The following SLC35G1 variants were observed in gnomAD, a reference collection of about 807,000 sequenced individuals.
SLC35G1 encodes solute carrier family 35 member G1, also known as partner of STIM1.
In SLC35G1, 10 loss-of-function variants were observed where a neutral mutation model predicts 17.1. The observed-to-expected ratio is 0.59, with a 90% CI of 0.36 to 0.99. SLC35G1 has a LOEUF of 0.99. Among genes scored for constraint, SLC35G1 ranks in the 50% least tolerant of loss-of-function variants. SLC35G1 has a pLI of 0.01. For synonymous variants in SLC35G1, 185 were observed against 181.1 expected (o/e 1.02, Z -0.18); for missense variants, 433 against 468.4 (o/e 0.92, Z 0.70).
chr10:93,900,639 A>T, intron 2 of SLC35G1, 113 bp from the exon 3 acceptor site: 1,020 of 442,290 alleles, frequency 2.3e-3, no homozygotes, highest in Non-Finnish European at 3.6e-3. Flanking sequence ...TTAATTTACT[A>T]TTCCCTCATT....
chr10:93,894,229 A>ATCGGGCTCTGGTCTCGC lies in SLC35G1; in HGVS notation c.178+24_178+40dup, dbSNP rs1290402283. The ATCGGGCTCTGGTCTCGC allele has an allele frequency of 7.4e-7, 1 of 1,353,422 alleles. No homozygotes were observed. The highest frequency in any genetic ancestry group is 9.5e-7 in the Non-Finnish European group (1 of 1,054,690). 83.8% of individuals were successfully genotyped at this position (1,353,422 alleles called of 1,614,324 possible). The stretch of plus-strand genomic sequence containing the variant: ...CGAGCCGGGTGAGTGCGCGGTGTGG[A>ATCGGGCTCTGGTCTCGC]TCGGGCTCTGGTCTCGCTCGGGGGT... On this transcript the variant is annotated intron_variant, in intron 1 of 2. Transcript: ENST00000427197.
At position 93,901,091 on chromosome 10, in the gene SLC35G1, A is replaced by T. The variant is rs1458439952; in HGVS notation, c.699A>T (p.Val233=). 1.9e-6 allele frequency: 3 copies of T among 1,614,000 alleles called. No individual in the cohort carries two copies. Among genetic ancestry groups the T allele is most frequent in the Non-Finnish European group, 2.5e-6 (3 of 1,179,992 alleles). Residue 233 remains valine (V), a synonymous_variant, in exon 3 of 3, where the codon GTA becomes GTT. Coordinates refer to ENST00000427197, the MANE Select transcript of SLC35G1 (RefSeq NM_001134658.3). ...KGTFAAIGSA[V]FAASTLVILR... ...CATTCGCAGCAATTGGAAGTGCCGT[A>T]TTTGCTGCATCGACTCTAGTTATCC...
chr10:93,904,854 T>TC (rs1324300634), downstream of SLC35G1, among the ~76,000 whole-genome samples: 1 of 152,192 alleles, frequency 6.6e-6, no homozygotes, highest in Non-Finnish European at 1.5e-5. Flanking sequence ...GTATTCACTC[T>TC]CCTCTTCAAA....
chr10:93,903,892 T>C (rs2134072642), downstream of SLC35G1: 1 of 152,350 alleles, frequency 6.6e-6, no homozygotes. Flanking sequence ...CTTCAAAATA[T>C]ATTTTCTGTA....
chr10:93,901,368 T>C lies in SLC35G1; in HGVS notation c.976T>C (p.Phe326Leu). The C allele has an allele frequency of 6.2e-7, 1 of 1,614,110 alleles. No individual in the cohort carries two copies. Among genetic ancestry groups the C allele is most frequent in the Non-Finnish European group, 8.5e-7 (1 of 1,179,964 alleles). ...GAAGACAATGGATGTGGTCTTTGCTTTTATCTTTCAGATTATTTTCTTTAA... is the reference window on the plus strand; with the variant it reads ...GAAGACAATGGATGTGGTCTTTGCTCTTATCTTTCAGATTATTTTCTTTAA... The part of the protein sequence containing the change: ...IMKTMDVVFA[F>L]IFQIIFFNNV... Residue 326 changes from phenylalanine (F) to leucine (L), a missense_variant, in exon 3 of 3, where the codon TTT (phenylalanine) becomes CTT (leucine). Coordinates refer to ENST00000427197, the MANE Select transcript of SLC35G1 (RefSeq NM_001134658.3).
chr10:93,906,763 T>C (rs902913391), downstream of SLC35G1, among the ~76,000 whole-genome samples: 3 of 152,212 alleles, frequency 2.0e-5, no homozygotes, highest in Non-Finnish European at 4.4e-5. Context: ...CTAAACCAAC[T>C]GTTTTCAAAG....
chr10:93,899,375 C>T (rs148381502), intron 2 of SLC35G1, among the ~76,000 whole-genome samples: 6 of 152,124 alleles, frequency 3.9e-5, no homozygotes, highest in African/African-American at 9.6e-5. Context: ...GTCTCTATTC[C>T]GCCCTCTCTG....
intron 2 of SLC35G1, among the ~76,000 whole-genome samples, chr10:93,900,008 A>G (rs1184477071): frequency 6.6e-6 from 1 of 152,188 alleles, no homozygotes; most frequent in African/African-American, 2.4e-5. Context: ...ATGATAATCT[A>G]ATGAAGTCTA....
rs561702085 is a variant in SLC35G1 at position 93,902,661 on chromosome 10, G to A, written c.*1171G>A. On this transcript the variant is annotated 3_prime_UTR_variant, in exon 3 of 3. Transcript: ENST00000427197. ...TAATGCTTTATGTTATACATTAAATGTAAAGACTTGTGAATCCATGTTTGA... is the reference window on the plus strand; with the variant it reads ...TAATGCTTTATGTTATACATTAAATATAAAGACTTGTGAATCCATGTTTGA... 3.9e-5 allele frequency: 6 copies of A among 152,674 alleles called. No individual in the cohort carries two copies. The East Asian group carries it at 1.2e-3, about 29-fold the overall frequency. 9.5% of individuals were successfully genotyped at this position (152,674 alleles called of 1,614,324 possible). A position where few individuals can be genotyped will look rare whatever the true frequency, so the allele number is the denominator to read the frequency against.
intron 1 of SLC35G1, among the ~76,000 whole-genome samples, chr10:93,896,047 T>C (rs1400007081): frequency 2.6e-5 from 4 of 151,832 alleles, no homozygotes; most frequent in African/African-American, 7.3e-5. Context: ...CTGTGGTGCA[T>C]TGGCGTGATC....
downstream of SLC35G1, among the ~76,000 whole-genome samples, chr10:93,905,876 C>T (rs1421112721): frequency 6.6e-6 from 1 of 152,100 alleles, no homozygotes; most frequent in Non-Finnish European, 1.5e-5. Flanking sequence ...TAGACTTGGG[C>T]AGGAGGAAAT....
chr10:93,898,740 A>G lies in SLC35G1; in HGVS notation c.348A>G (p.Leu116=). 6.3e-7 allele frequency: 1 copy of G among 1,599,626 alleles called. No individual in the cohort carries two copies. Among genetic ancestry groups the G allele is most frequent in the Non-Finnish European group, 8.5e-7 (1 of 1,176,102 alleles). Residue 116 remains leucine, a synonymous_variant, in exon 2 of 3, where the codon TTA becomes TTG. Coordinates refer to ENST00000427197, the MANE Select transcript of SLC35G1 (RefSeq NM_001134658.3). Reference sequence around the variant, plus strand: ...AAATGCTAGTTGTTATCCCTTGCTTAATATACAGAAAGTAAGTATTTTTTA... The same window carrying G: ...AAATGCTAGTTGTTATCCCTTGCTTGATATACAGAAAGTAAGTATTTTTTA... ...VFQMLVVIPC[L]IYRKTGFIGP...
chr10:93,906,635 G>A (rs1161037648), downstream of SLC35G1, among the ~76,000 whole-genome samples: 1 of 151,962 alleles, frequency 6.6e-6, no homozygotes, highest in African/African-American at 2.4e-5. Context: ...CACCTCAAAA[G>A]AACAAAAATC....
rs552195406 is a variant in SLC35G1, at chr10:93,900,814, C to T, written c.422C>T (p.Ser141Phe). ...CTCATTCTCAGAGGAGTCCTTGGTTCTACCGCCATGATGCTTATATACTAT... is the reference window on the plus strand; with the variant it reads ...CTCATTCTCAGAGGAGTCCTTGGTTTTACCGCCATGATGCTTATATACTAT... Reference protein sequence around the residue: ...IFLILRGVLGSTAMMLIYYAY... With the variant: ...IFLILRGVLGFTAMMLIYYAY... Residue 141 changes from serine to phenylalanine, a missense_variant, in exon 3 of 3, where the codon TCT becomes TTT. Physicochemically the swap from Ser to Phe is radical, Grantham distance 155 (BLOSUM62 -2). Coordinates refer to ENST00000427197, the MANE Select transcript of SLC35G1 (RefSeq NM_001134658.3). 1 of 1,613,996 alleles carries T rather than the reference C, an allele frequency of 6.2e-7. No homozygotes were observed. Among genetic ancestry groups the T allele is most frequent in the South Asian group, 1.1e-5 (1 of 91,064 alleles).
At chr10:93,906,555 T>C (rs1458749092), downstream of SLC35G1, among the ~76,000 whole-genome samples, 1 of 151,934 alleles carries the variant, frequency 6.6e-6, no homozygotes, top group Non-Finnish European at 1.5e-5. Flanking sequence ...AAAAAAAAAA[T>C]ATAAACGATA....
At chr10:93,898,846 A>T in intron 2 of SLC35G1, 95 bp downstream of exon 2, 2 of 1,241,476 alleles carry the variant, frequency 1.6e-6, no homozygotes, top group Non-Finnish European at 2.2e-6. Flanking sequence ...TATCCATCTC[A>T]TATACTTACC....
Position 93,894,155 on chromosome 10 carries a change from AC to A in SLC35G1, c.124del (p.Arg42AlafsTer57). On this transcript the variant is annotated frameshift_variant, in exon 1 of 3. Transcript: ENST00000427197. LOFTEE classifies it high-confidence loss of function. ...PAAAEAAGAP[D>X]RGRCWLCLSS... ...GCCGCCGAGGCAGCTGGGGCGCCAG[AC>A]CGCGGTAGGTGCTGGCTCTGCCTTT... 1 of 1,481,660 alleles carries A rather than the reference AC, an allele frequency of 6.7e-7. No individual in the cohort carries two copies. The highest frequency in any genetic ancestry group is 8.9e-7 in the Non-Finnish European group (1 of 1,123,568). The allele number at this position is 1,481,660 out of a possible 1,614,324, so 91.8% of individuals were successfully genotyped here.
rs964962224 is a variant in SLC35G1 at position 93,901,350 on chromosome 10, A to G, written c.958A>G (p.Met320Val). The change falls in exon 3 of 3, where the codon ATG becomes GTG. Residue 320 changes from methionine (M) to valine (V), a missense_variant. Transcript: ENST00000427197. The part of the protein sequence containing the change: ...KAGPVAIMKT[M>V]DVVFAFIFQI... ...AGGGCCAGTAGCAATAATGAAGACA[A>G]TGGATGTGGTCTTTGCTTTTATCTT... is the stretch of plus-strand genomic sequence containing the variant. The G allele has an allele frequency of 5.0e-6, 8 of 1,613,966 alleles. No homozygotes were observed. The highest frequency in any genetic ancestry group is 1.3e-5 in the African/African-American group (1 of 74,928).
chr10:93,906,132 A>T (rs2060426841), downstream of SLC35G1: 1 of 152,220 alleles, frequency 6.6e-6, no homozygotes, highest in Admixed American at 6.5e-5. Flanking sequence ...ACTATATTTG[A>T]TTTTTTCTAT....
Sources: allele counts gnomAD v4.1 joint callset (sites outside exome capture counted in the v4.1 genomes callset), GRCh38; gene constraint gnomAD v4.1.1; transcripts MANE v1.5; gene names NCBI Gene and HGNC (gene_info 2026-07-23, HGNC 2026-07-21).